The following FANCC variants were observed in gnomAD, a reference collection of about 807,000 sequenced individuals.
The protein encoded by FANCC is Fanconi anemia group C protein.
Under a neutral mutation model 71.3 loss-of-function variants are expected in FANCC, and 55 were observed. The ratio of observed to expected loss-of-function variants is 0.77; its 90% confidence interval spans 0.62 to 0.97. FANCC has a LOEUF of 0.97. FANCC is among the 50% of genes least tolerant of loss of function. FANCC has a pLI of 0.00. For missense variants in FANCC, 678 were observed against 670.9 expected, an observed-to-expected ratio of 1.01 and a Z score of -0.12; for synonymous variants, 275 against 244.9, an observed-to-expected ratio of 1.12 and a Z score of -1.15.
chr9:95,140,898 G>A (rs1205851709), intron 7 of FANCC, among the ~76,000 whole-genome samples: 3 of 152,062 alleles, frequency 2.0e-5, no homozygotes, highest in Non-Finnish European at 4.4e-5. Context: ...CAGAAGAAAT[G>A]TGCAAACCCA....
intron 10 of FANCC, chr9:95,123,364 G>C (rs757286054): frequency 3.6e-5 from 14 of 389,902 alleles, no homozygotes; most frequent in Non-Finnish European, 6.5e-5. Flanking sequence ...AACAGGCTGG[G>C]TGTGGTGGCT....
chr9:95,130,783 G>A (rs943111899), intron 8 of FANCC, among the ~76,000 whole-genome samples: 2 of 152,224 alleles, frequency 1.3e-5, no homozygotes, highest in African/African-American at 4.8e-5. Flanking sequence ...TTCTTAAAAA[G>A]AAGATTCTCC....
At chr9:95,258,450 C>T (rs1030885495) in intron 1 of FANCC, among the ~76,000 whole-genome samples, 10 of 152,184 alleles carry the variant, frequency 6.6e-5, no homozygotes, top group Non-Finnish European at 1.3e-4. Context: ...ACATGATTAT[C>T]TCAATAGATG....
At chr9:95,254,279 C>T (rs1248331121) in intron 1 of FANCC, among the ~76,000 whole-genome samples, 2 of 152,242 alleles carry the variant, frequency 1.3e-5, no homozygotes, top group Non-Finnish European at 2.9e-5. Context: ...AAAACCTCCA[C>T]AGGCTGGCAA....
intron 1 of FANCC, among the ~76,000 whole-genome samples, chr9:95,264,667 G>A (rs1205455244): frequency 2.0e-5 from 3 of 151,930 alleles, no homozygotes; most frequent in Non-Finnish European, 4.4e-5. Context: ...GCACCAAACA[G>A]GAGATGTATG....
chr9:95,133,398 G>T (rs1250915408), intron 8 of FANCC, among the ~76,000 whole-genome samples: 3 of 152,238 alleles, frequency 2.0e-5, no homozygotes, highest in African/African-American at 4.8e-5. Context: ...TGGAAGCTCT[G>T]AATTTCTGCA....
chr9:95,293,255 C>T (rs1834167056), intron 1 of FANCC: 3 of 1,613,356 alleles, frequency 1.9e-6, no homozygotes, highest in Non-Finnish European at 2.5e-6. Context: ...GCTTAAACTA[C>T]CCGTGATGCA....
Position 95,107,048 on chromosome 9 carries a change from G to C in FANCC, c.1533+18C>G, listed in dbSNP as rs1283387184. The C allele has an allele frequency of 6.2e-7, 1 of 1,613,454 alleles. No homozygotes were observed. On this transcript the variant is annotated intron_variant, in intron 14 of 14. Transcript: ENST00000289081. ...AGCAGAAATGAGTACTAGGATGCTG[G>C]ACCACAGGGAGACTTACCAGGGTGA...
rs1266049794 is a variant in FANCC at position 95,101,400 on chromosome 9, C to G, written c.*307G>C. 5 of 445,740 alleles carry G rather than the reference C, an allele frequency of 1.1e-5. No homozygotes were observed. In the East Asian group the frequency reaches 1.9e-4, roughly 17 times the overall value. 27.6% of individuals were successfully genotyped at this position (445,740 alleles called of 1,614,324 possible). On this transcript the variant is annotated 3_prime_UTR_variant, in exon 15 of 15. Transcript: ENST00000289081. ...CTTGACTTGGGTAAAAACTAGAAAC[C>G]TGTTCTCCCACCCAGGCCTTTGCTT...
chr9:95,103,366 G>T (rs1036562895), intron 14 of FANCC, among the ~76,000 whole-genome samples: 1 of 152,156 alleles, frequency 6.6e-6, no homozygotes, highest in Non-Finnish European at 1.5e-5. Context: ...ACCAAGAGTG[G>T]GTTCAATTCA....
At chr9:95,233,643 T>C (rs1169689889) in intron 4 of FANCC, among the ~76,000 whole-genome samples, 2 of 152,016 alleles carry the variant, frequency 1.3e-5, no homozygotes, top group East Asian at 1.9e-4. Flanking sequence ...AAAATGGAGA[T>C]ATTAGGGTTG....
In FANCC at chr9:95,294,012, G is replaced by C. The variant is rs1834224813; in HGVS notation, c.-79+23514C>G. 3 of 1,594,810 alleles carry C rather than the reference G, an allele frequency of 1.9e-6. No homozygotes were observed. In the Admixed American group the frequency reaches 5.0e-5, roughly 27 times the overall value. ...ATGAGCCTAAGACTTTAAATCAAGA[G>C]ATTGAGAAATGTGCACCAATTATAA... On this transcript the variant is annotated intron_variant, in intron 1 of 14. Transcript: ENST00000289081.
chr9:95,215,413 G>C (rs951581565), intron 4 of FANCC, among the ~76,000 whole-genome samples: 3 of 152,068 alleles, frequency 2.0e-5, no homozygotes, highest in Non-Finnish European at 2.9e-5. Flanking sequence ...AGGAGGATGG[G>C]AAAGAGGAGG....
chr9:95,294,146 C>T lies in FANCC; in HGVS notation c.-79+23380G>A, dbSNP rs147929700. The T allele has an allele frequency of 3.6e-3, 5,806 of 1,605,144 alleles. 127 individuals are homozygous for T. The East Asian group carries it at 0.04, about 11-fold the overall frequency. On this transcript the variant is annotated intron_variant, in intron 1 of 14. Transcript: ENST00000289081. ...GAAAACATCTTGTCAAGTAATCTGCCTGCTCAGACATTGGATCATCATAGT... is the reference window on the plus strand; with the variant it reads ...GAAAACATCTTGTCAAGTAATCTGCTTGCTCAGACATTGGATCATCATAGT...
chr9:95,261,476 A>T (rs916982934), intron 1 of FANCC, among the ~76,000 whole-genome samples: 8 of 152,204 alleles, frequency 5.3e-5, no homozygotes, highest in African/African-American at 1.9e-4. Context: ...TTTCCTGAAA[A>T]CTCAGGATGT....
intron 1 of FANCC, among the ~76,000 whole-genome samples, chr9:95,279,858 G>GA (rs1427002466): frequency 6.8e-6 from 1 of 147,258 alleles, no homozygotes; most frequent in Non-Finnish European, 1.5e-5. Context: ...TGAGGCAGGA[G>GA]AATCGCTTGA....
intron 6 of FANCC, among the ~76,000 whole-genome samples, chr9:95,164,477 C>T (rs1376891130): frequency 2.0e-5 from 3 of 151,940 alleles, no homozygotes; most frequent in Non-Finnish European, 2.9e-5. Flanking sequence ...AGGTCATTTC[C>T]TTCTATTCCT....
At chr9:95,265,031 G>C (rs1331182051) in intron 1 of FANCC, among the ~76,000 whole-genome samples, 2 of 147,172 alleles carry the variant, frequency 1.4e-5, no homozygotes, top group Non-Finnish European at 3.0e-5. Flanking sequence ...TTCCCATTAA[G>C]TGCTTATGAA....
chr9:95,265,257 G>C (rs994396348), intron 1 of FANCC, among the ~76,000 whole-genome samples: 2 of 152,114 alleles, frequency 1.3e-5, no homozygotes, highest in African/African-American at 4.8e-5. Flanking sequence ...TTCAATCCAG[G>C]TGCAGAGTAT....
Sources: gnomAD v4.1 joint callset for allele counts (sites outside exome capture counted in the v4.1 genomes callset) on GRCh38, gnomAD v4.1.1 for gene constraint, MANE v1.5 for transcripts, NCBI Gene and HGNC (gene_info 2026-07-23, HGNC 2026-07-21) for gene names.